The following RUNX1 variants were observed in gnomAD, a reference collection of about 807,000 sequenced individuals.
RUNX1 encodes RUNX family transcription factor 1.
In RUNX1, 19 loss-of-function variants were observed where a neutral mutation model predicts 42.8. That is an observed-to-expected ratio of 0.44 (90% CI 0.31 to 0.65). RUNX1 has a LOEUF of 0.65. Ranked by LOEUF, RUNX1 falls within the 30% of genes least tolerant of loss-of-function variation. RUNX1 has a pLI of 0.07. For synonymous variants in RUNX1, 271 were observed against 289.4 expected (o/e 0.94, Z 0.64); for missense variants, 528 against 672.0 (o/e 0.79, Z 2.37).
intron 2 of RUNX1, among the ~76,000 whole-genome samples, chr21:34,921,676 A>G (rs2146557156): frequency 6.6e-6 from 1 of 152,076 alleles, no homozygotes; most frequent in African/African-American, 2.4e-5. Context: ...TCTGTTGCTC[A>G]GGCTGGAGGG....
At chr21:34,832,074 C>T (rs1194012540) in intron 7 of RUNX1, among the ~76,000 whole-genome samples, 1 of 9,162 alleles carries the variant, frequency 1.1e-4, no homozygotes. Flanking sequence ...AGAGTAGCAA[C>T]CAAGCCCGTA....
intron 6 of RUNX1, among the ~76,000 whole-genome samples, chr21:34,849,314 A>ATATATATTATATATAC (rs1569051962): frequency 2.7e-5 from 1 of 37,594 alleles, no homozygotes; most frequent in African/African-American, 9.7e-5. Flanking sequence ...AATATATATT[A>ATATATATTATATATAC]TATATATATT....
chr21:34,874,123 TTCTC>T (rs3831803), intron 5 of RUNX1, among the ~76,000 whole-genome samples: 33,311 of 144,876 alleles, frequency 0.23, 3,771 homozygotes, highest in African/African-American at 0.26. Flanking sequence ...GATATTCTCA[TTCTC>T]TCTCTCTCTC....
chr21:34,950,918 A>C (rs1264089748), intron 2 of RUNX1, among the ~76,000 whole-genome samples: 1 of 152,240 alleles, frequency 6.6e-6, no homozygotes, highest in Non-Finnish European at 1.5e-5. Flanking sequence ...ATCCCAGAAA[A>C]TATAATTAAA....
chr21:34,799,246 T>C, intron 8 of RUNX1, 55 bp downstream of exon 8: 2 of 1,593,926 alleles, frequency 1.3e-6, no homozygotes, highest in Non-Finnish European at 1.7e-6. Flanking sequence ...ACCTCTAGTC[T>C]CCTGGACCTT....
intron 2 of RUNX1, among the ~76,000 whole-genome samples, chr21:34,973,072 AT>A (rs2058774310): frequency 6.6e-6 from 1 of 152,124 alleles, no homozygotes; most frequent in South Asian, 2.1e-4. Flanking sequence ...ACTTGAATGG[AT>A]TCCCCAGCTC....
rs1488093925 is a variant in RUNX1 at position 34,891,173 on chromosome 21, C to G, written c.97+1752G>C. Among the ~76,000 whole-genome samples the G allele has an allele frequency of 2.0e-5, 3 of 152,166 alleles. No individual in the cohort carries two copies. The East Asian group carries it at 5.8e-4, about 29-fold the overall frequency. Reference sequence around the variant, plus strand: ...CCAGGAGGGAGTCAAGTTCCTTTATCGAGTAAGGAAAGTTGGTCCCAGCCT... The same window carrying G: ...CCAGGAGGGAGTCAAGTTCCTTTATGGAGTAAGGAAAGTTGGTCCCAGCCT... On this transcript the variant is annotated intron_variant, in intron 3 of 8. Coordinates refer to ENST00000675419, the MANE Select transcript of RUNX1 (RefSeq NM_001754.5).
At chr21:34,814,467 C>T (rs773026344) in intron 7 of RUNX1, among the ~76,000 whole-genome samples, 3 of 152,186 alleles carry the variant, frequency 2.0e-5, no homozygotes, top group Non-Finnish European at 2.9e-5. Flanking sequence ...ATGGAAAGCA[C>T]CATCCCCTTT....
chr21:35,004,208 T>A (rs1274843516), intron 2 of RUNX1, among the ~76,000 whole-genome samples: 1 of 152,202 alleles, frequency 6.6e-6, no homozygotes, highest in East Asian at 1.9e-4. Context: ...TTGTGTACAC[T>A]TGGACCAAGA....
chr21:35,048,237 A>C (rs73900786), intron 2 of RUNX1, among the ~76,000 whole-genome samples: 7,358 of 152,314 alleles, frequency 0.048, 193 homozygotes, highest in East Asian at 0.12. Context: ...GCACAGCCCC[A>C]TGCTGATGAT....
intron 2 of RUNX1, among the ~76,000 whole-genome samples, chr21:34,924,320 G>T (rs147633880): frequency 6.6e-6 from 1 of 152,312 alleles, no homozygotes; most frequent in East Asian, 1.9e-4. Context: ...ATGGAACACA[G>T]TCTCTTTCCT....
intron 2 of RUNX1, among the ~76,000 whole-genome samples, chr21:35,047,547 ACACACACACACACACT>A (rs1161742934): frequency 0.028 from 3,403 of 122,234 alleles, 25 homozygotes; most frequent in Admixed American, 0.036. Context: ...ACACACACAC[ACACACACACACACACT>A]CTCTCTCTCT....
chr21:34,848,196 G>A (rs2268283), intron 6 of RUNX1, among the ~76,000 whole-genome samples: 47,996 of 152,140 alleles, frequency 0.32, 7,924 homozygotes, highest in East Asian at 0.5. Flanking sequence ...AGGAGGCTGA[G>A]GGTGGGGAGG....
chr21:34,946,238 C>T (rs949655634), intron 2 of RUNX1, among the ~76,000 whole-genome samples: 2 of 152,190 alleles, frequency 1.3e-5, no homozygotes, highest in Non-Finnish European at 1.5e-5. Context: ...ATCACTGTGA[C>T]ATTTCTGTCT....
intron 4 of RUNX1, among the ~76,000 whole-genome samples, chr21:34,884,956 T>C (rs988205862): frequency 2.0e-5 from 3 of 152,232 alleles, no homozygotes; most frequent in Non-Finnish European, 2.9e-5. Flanking sequence ...ATGGTTATTA[T>C]GGTTTCTGCT....
intron 2 of RUNX1, among the ~76,000 whole-genome samples, chr21:34,978,170 C>G (rs1463449534): frequency 6.6e-6 from 1 of 152,190 alleles, no homozygotes; most frequent in Non-Finnish European, 1.5e-5. Context: ...GATCTCCTGA[C>G]CTCATGATCC....
chr21:34,929,349 T>A (rs11910407), intron 2 of RUNX1, among the ~76,000 whole-genome samples: 8,104 of 152,232 alleles, frequency 0.053, 692 homozygotes, highest in African/African-American at 0.19. Context: ...TAGCATGGCT[T>A]TGATAATTTG....
At chr21:34,947,349 C>A (rs529546115) in intron 2 of RUNX1, among the ~76,000 whole-genome samples, 1 of 152,156 alleles carries the variant, frequency 6.6e-6, no homozygotes, top group African/African-American at 2.4e-5. Context: ...ATCTATTTAC[C>A]AATCTGCTGC....
Position 34,859,298 on chromosome 21 carries a change from A to C in RUNX1, c.613+176T>G, listed in dbSNP as rs562200921. 4.7e-6 allele frequency: 3 copies of C among 637,296 alleles called. No individual in the cohort carries two copies. In the South Asian group the frequency reaches 5.6e-5, roughly 12 times the overall value. 39.5% of individuals were successfully genotyped at this position (637,296 alleles called of 1,614,324 possible). ...GCTTCAAAAAGAGCTCAGTGCACAG[A>C]AACAAGCTTTGAGTAGCGAGAGTAT... is the stretch of plus-strand genomic sequence containing the variant. On this transcript the variant is annotated intron_variant, in intron 6 of 8. Coordinates refer to ENST00000675419, the MANE Select transcript of RUNX1 (RefSeq NM_001754.5).
Sources: gnomAD v4.1 joint callset for allele counts (sites outside exome capture counted in the v4.1 genomes callset) on GRCh38, gnomAD v4.1.1 for gene constraint, MANE v1.5 for transcripts, NCBI Gene and HGNC (gene_info 2026-07-23, HGNC 2026-07-21) for gene names.